MICAL2: variants seen among roughly 807,000 people sequenced by gnomAD.
MICAL2 encodes the protein microtubule associated monooxygenase, calponin and LIM domain containing 2, also known as [F-actin]-monooxygenase MICAL2.
In MICAL2, 77 loss-of-function variants were observed where a neutral mutation model predicts 127.3. That is an observed-to-expected ratio of 0.60 (90% confidence interval 0.50 to 0.73). The LOEUF is 0.73. Among genes scored for constraint, MICAL2 ranks in the 30% least tolerant of loss-of-function variants. MICAL2 has a pLI of 0.00. For synonymous variants in MICAL2, 570 were observed against 551.1 expected (o/e 1.03, Z -0.48); for missense variants, 1,351 against 1,434.4 (o/e 0.94, Z 0.94).
At chr11:12,123,791 T>C (rs1263809765) in intron 1 of MICAL2, among the ~76,000 whole-genome samples, 1 of 151,960 alleles carries the variant, frequency 6.6e-6, no homozygotes, top group African/African-American at 2.4e-5. Flanking sequence ...CAACCCACAG[T>C]GTGGGTTCAG....
At chr11:12,345,167 A>G (rs557189917) in intron 32 of MICAL2, among the ~76,000 whole-genome samples, 1 of 152,244 alleles carries the variant, frequency 6.6e-6, no homozygotes, top group East Asian at 1.9e-4. Context: ...GAGTATTTAG[A>G]AAGAATTTTG....
At chr11:12,122,195 T>C (rs1039578926) in intron 1 of MICAL2, among the ~76,000 whole-genome samples, 4 of 152,202 alleles carry the variant, frequency 2.6e-5, no homozygotes, top group Non-Finnish European at 5.9e-5. Context: ...GTGATGCTAC[T>C]TACCTCACGG....
At chr11:12,200,192 A>T (rs536704400) in intron 3 of MICAL2, among the ~76,000 whole-genome samples, 43 of 152,326 alleles carry the variant, frequency 2.8e-4, no homozygotes, top group African/African-American at 1.0e-3. Context: ...TTAGACACGG[A>T]AAATATGACC....
chr11:12,217,018 G>A (rs966346676), intron 8 of MICAL2, among the ~76,000 whole-genome samples: 3 of 152,190 alleles, frequency 2.0e-5, no homozygotes, highest in African/African-American at 7.2e-5. Flanking sequence ...CCTGGCCTCT[G>A]CTTCGTGGCC....
chr11:12,223,587 C>A (rs1375668535), intron 12 of MICAL2, 86 bp downstream of exon 12: 1 of 1,192,370 alleles, frequency 8.4e-7, no homozygotes, highest in Non-Finnish European at 1.2e-6. Context: ...GTGACACAGG[C>A]ACTGCAACCA....
chr11:12,226,516 C>G, intron 14 of MICAL2, 146 bp downstream of exon 14: 3 of 712,842 alleles, frequency 4.2e-6, no homozygotes, highest in Non-Finnish European at 6.9e-6. Flanking sequence ...GGGGTGACTC[C>G]ACTCACCCAG....
chr11:12,209,691 T>C, intron 6 of MICAL2, 93 bp downstream of exon 6: 1 of 1,126,878 alleles, frequency 8.9e-7, no homozygotes, highest in South Asian at 1.3e-5. Context: ...AAGATGCAGA[T>C]GCCAGAGCTG....
At chr11:12,127,670 C>T (rs534079925) in intron 1 of MICAL2, among the ~76,000 whole-genome samples, 1 of 152,338 alleles carries the variant, frequency 6.6e-6, no homozygotes, top group Admixed American at 6.5e-5. Flanking sequence ...CTTGAGCCCA[C>T]AGTTGATCCT....
At chr11:12,130,659 G>C (rs1372369997) in intron 1 of MICAL2, among the ~76,000 whole-genome samples, 1 of 152,206 alleles carries the variant, frequency 6.6e-6, no homozygotes, top group African/African-American at 2.4e-5. Context: ...AAGGGGCTCA[G>C]GTCCTACAAC....
chr11:12,275,234 T>G (rs7106205), upstream of MICAL2, among the ~76,000 whole-genome samples: 70,466 of 151,966 alleles, frequency 0.46, 17,218 homozygotes, highest in East Asian at 0.82. Context: ...CTGTTCGGAC[T>G]TGTTGAGTCT....
At chr11:12,319,754 A>C (rs1181785766) in exon 30 of MICAL2, 1 of 1,614,090 alleles carries the variant, frequency 6.2e-7, no homozygotes, top group Admixed American at 1.7e-5. Context: ...CTGCCTCTTC[A>C]ACCTCCTCCT....
At chr11:12,248,053 G>C (rs1861000297) in intron 21 of MICAL2, among the ~76,000 whole-genome samples, 1 of 152,150 alleles carries the variant, frequency 6.6e-6, no homozygotes. Flanking sequence ...CTCCTCATGG[G>C]AACAGACTTA....
chr11:12,169,966 T>C (rs1436483730), intron 3 of MICAL2, among the ~76,000 whole-genome samples: 1 of 152,196 alleles, frequency 6.6e-6, no homozygotes, highest in Non-Finnish European at 1.5e-5. Flanking sequence ...TGGGCATTGA[T>C]AGACACCCTC....
chr11:12,303,149 C>T (rs10831781), intron 29 of MICAL2, among the ~76,000 whole-genome samples: 7,892 of 152,214 alleles, frequency 0.052, 387 homozygotes, highest in Admixed American at 0.15. Context: ...CCACCAGGTC[C>T]CACCCTTGAT....
intron 21 of MICAL2, among the ~76,000 whole-genome samples, chr11:12,244,439 C>A (rs995851318): frequency 6.6e-6 from 1 of 152,180 alleles, no homozygotes; most frequent in Non-Finnish European, 1.5e-5. Context: ...TGGGAAATAG[C>A]ACATTAGCAT....
intron 23 of MICAL2, 142 bp from the exon 24 acceptor site, chr11:12,256,643 C>A: frequency 1.3e-6 from 1 of 755,932 alleles, no homozygotes. Flanking sequence ...CTACCCCTCC[C>A]TCTTTGCTGC....
chr11:12,358,731 T>G (rs1357082509), downstream of MICAL2: 2 of 287,160 alleles, frequency 7.0e-6, no homozygotes, highest in Non-Finnish European at 1.3e-5. Context: ...AGACTGGAGG[T>G]GTTGTTGGCA....
intron 3 of MICAL2, chr11:12,197,513 G>A (rs909313552): frequency 2.6e-5 from 4 of 152,236 alleles, no homozygotes; most frequent in Admixed American, 6.5e-5. Context: ...ACAAAGATGG[G>A]ACTGTGTTGA....
chr11:12,266,673 G>C (rs150894537), downstream of MICAL2, among the ~76,000 whole-genome samples: 363 of 152,330 alleles, frequency 2.4e-3, 3 homozygotes, highest in Non-Finnish European at 2.4e-3. Flanking sequence ...ATTTTCCACT[G>C]TGAAGGGACT....
Sources: allele counts gnomAD v4.1 joint callset (sites outside exome capture counted in the v4.1 genomes callset), GRCh38; gene constraint gnomAD v4.1.1; transcripts MANE v1.5; gene names NCBI Gene and HGNC (gene_info 2026-07-23, HGNC 2026-07-21).